Variants in TFCP2 observed in about 807,000 individuals in gnomAD.
TFCP2 encodes the protein transcription factor CP2.
Under a neutral mutation model 73.4 loss-of-function variants are expected in TFCP2, and 33 were observed. The ratio of observed to expected loss-of-function variants is 0.45; its 90% CI spans 0.34 to 0.60. The LOEUF (loss-of-function observed/expected upper bound fraction) is 0.60. Ranked by LOEUF, TFCP2 falls within the 20% of genes least tolerant of loss-of-function variation. The probability of loss-of-function intolerance (pLI) is 0.01; values close to 1 mark genes in which losing one functional copy is unlikely to be tolerated. For missense variants in TFCP2, 352 were observed against 604.0 expected (o/e 0.58, Z 4.37); for synonymous variants, 193 against 211.6 (o/e 0.91, Z 0.76).
chr12:51,163,638 A>C (rs1941694926), intron 1 of TFCP2, among the ~76,000 whole-genome samples: 1 of 151,648 alleles, frequency 6.6e-6, no homozygotes, highest in Non-Finnish European at 1.5e-5. Flanking sequence ...TATTAGAAAG[A>C]AGGCAGGGTA....
intron 4 of TFCP2, among the ~76,000 whole-genome samples, chr12:51,114,028 T>C (rs1940459737): frequency 6.6e-6 from 1 of 152,092 alleles, no homozygotes; most frequent in Admixed American, 6.6e-5. Flanking sequence ...TGGCACTGAA[T>C]TTGGCAATGA....
intron 1 of TFCP2, among the ~76,000 whole-genome samples, chr12:51,171,521 G>A (rs1452461240): frequency 6.6e-6 from 1 of 152,170 alleles, no homozygotes; most frequent in African/African-American, 2.4e-5. Flanking sequence ...GGGATTACAG[G>A]CCCGCGCCAC....
chr12:51,130,497 CTG>C (rs923371193), intron 1 of TFCP2, among the ~76,000 whole-genome samples: 11 of 151,668 alleles, frequency 7.3e-5, no homozygotes, highest in Admixed American at 3.9e-4. Context: ...CTGCATTGGA[CTG>C]TGTTTAGGGA....
intron 1 of TFCP2, 82 bp from the exon 2 acceptor site, chr12:51,118,854 CT>C (rs3839987): frequency 0.58 from 860,308 of 1,474,368 alleles, 260,287 homozygotes; most frequent in Non-Finnish European, 0.63. Context: ...AACTGCAATG[CT>C]TTGGAAAGCC....
Position 51,094,233 on chromosome 12 carries a change from A to G in TFCP2, c.*1008T>C, listed in dbSNP as rs563555209. 6.6e-6 allele frequency: 1 copy of G among 152,332 alleles called. No homozygotes were observed. The highest frequency in any genetic ancestry group is 2.4e-5 in the African/African-American group (1 of 41,580). 9.4% of individuals were successfully genotyped at this position (152,332 alleles called of 1,614,324 possible). A position where few individuals can be genotyped will look rare whatever the true frequency, so the allele number is the denominator to read the frequency against. On this transcript the variant is annotated 3_prime_UTR_variant, in exon 15 of 15. Coordinates refer to ENST00000257915, the MANE Select transcript of TFCP2 (RefSeq NM_005653.5). ...ACAGTAAATTTGGGGAGTTACAGAT[A>G]ATCCCCAGTTGTCACCACCTCAAAT...
At chr12:51,122,467 C>A (rs1230863697) in intron 1 of TFCP2, among the ~76,000 whole-genome samples, 1 of 151,942 alleles carries the variant, frequency 6.6e-6, no homozygotes, top group Non-Finnish European at 1.5e-5. Context: ...CCATGTTGGC[C>A]ATGCTGGTCT....
chr12:51,115,290 C>T (rs1291822913), intron 4 of TFCP2, among the ~76,000 whole-genome samples: 1 of 151,724 alleles, frequency 6.6e-6, no homozygotes, highest in Non-Finnish European at 1.5e-5. Context: ...CAGCTAATTT[C>T]TTTGTATTTT....
chr12:51,151,727 C>T (rs113262914), intron 1 of TFCP2, among the ~76,000 whole-genome samples: 1 of 152,152 alleles, frequency 6.6e-6, no homozygotes, highest in African/African-American at 2.4e-5. Context: ...TGAGCCACCA[C>T]GCCCGGCCAA....
chr12:51,172,343 G>C lies in TFCP2; in HGVS notation c.80C>G (p.Ser27Cys). 1 of 1,614,066 alleles carries C rather than the reference G, an allele frequency of 6.2e-7. No individual in the cohort carries two copies. The highest frequency in any genetic ancestry group is 8.5e-7 in the Non-Finnish European group (1 of 1,180,022). ...GLVQDFDASL[S>C]GIGQELGAGA... ...AGCACCCAGTTCCTGGCCGATCCCG[G>C]ACAGGCTAGCATCAAAGTCCTGCAC... Residue 27 changes from serine (S) to cysteine (C), a missense_variant, in exon 1 of 15, where the codon TCC (serine) becomes TGC (cysteine). This residue lies in a region of TFCP2 where 76 missense variants were observed against 163.2 expected (regional missense o/e 0.47). Coordinates refer to ENST00000257915, the MANE Select transcript of TFCP2 (RefSeq NM_005653.5).
At chr12:51,149,308 A>G (rs1461914639) in intron 1 of TFCP2, among the ~76,000 whole-genome samples, 1 of 152,090 alleles carries the variant, frequency 6.6e-6, no homozygotes, top group Non-Finnish European at 1.5e-5. Flanking sequence ...AAGACTATAC[A>G]TTGGGTACAC....
At chr12:51,128,140 A>G (rs1940853613) in intron 1 of TFCP2, among the ~76,000 whole-genome samples, 1 of 152,036 alleles carries the variant, frequency 6.6e-6, no homozygotes, top group South Asian at 2.1e-4. Flanking sequence ...GCTGGTCTCG[A>G]ACTCCTGACC....
chr12:51,142,722 C>T (rs938130806), intron 1 of TFCP2, among the ~76,000 whole-genome samples: 4 of 152,150 alleles, frequency 2.6e-5, no homozygotes, highest in Non-Finnish European at 5.9e-5. Flanking sequence ...TTCCCACATC[C>T]GCCTTCAACT....
intron 1 of TFCP2, among the ~76,000 whole-genome samples, chr12:51,146,794 T>C (rs972361350): frequency 3.3e-5 from 5 of 152,252 alleles, no homozygotes; most frequent in Non-Finnish European, 7.3e-5. Flanking sequence ...CAAGTGCTTT[T>C]AGCATATTTA....
At position 51,128,498 on chromosome 12, in the gene TFCP2, A is replaced by AC. The variant is rs367682381; in HGVS notation, c.123-9727_123-9726insG. On this transcript the variant is annotated intron_variant, in intron 1 of 14. Transcript: ENST00000257915. ...AATAATAAAAAAAAAAAAAACAAAA[A>AC]AAACAAACTAGTATTGGGAACATCT... Among the ~76,000 whole-genome samples the AC allele has an allele frequency of 2.7e-3, 403 of 149,084 alleles. 1 individual carries two copies. The highest frequency in any genetic ancestry group is 7.5e-3 in the African/African-American group (307 of 41,134).
chr12:51,156,682 T>G (rs1941544300), intron 1 of TFCP2, among the ~76,000 whole-genome samples: 1 of 152,232 alleles, frequency 6.6e-6, no homozygotes, highest in African/African-American at 2.4e-5. Context: ...AGTCATCAGG[T>G]CCAGAGATTT....
chr12:51,107,074 A>C, intron 7 of TFCP2, 162 bp downstream of exon 7: 1 of 667,728 alleles, frequency 1.5e-6, no homozygotes, highest in Non-Finnish European at 2.6e-6. Flanking sequence ...GTTCGTGCCA[A>C]ATTCTAAAGC....
chr12:51,114,508 G>C (rs553722112), intron 4 of TFCP2, among the ~76,000 whole-genome samples: 1 of 152,008 alleles, frequency 6.6e-6, no homozygotes, highest in Non-Finnish European at 1.5e-5. Context: ...AGGAGGCTGA[G>C]GCAGGAAAAT....
At position 51,109,247 on chromosome 12, in the gene TFCP2, A is replaced by G; in HGVS notation, c.591T>C (p.Thr197=). The G allele has an allele frequency of 6.2e-7, 1 of 1,614,178 alleles. No individual in the cohort carries two copies. Among genetic ancestry groups the G allele is most frequent in the Non-Finnish European group, 8.5e-7 (1 of 1,180,040 alleles). The change falls in exon 6 of 15, where the codon ACT becomes ACC. Residue 197 remains threonine, a synonymous_variant. Coordinates refer to ENST00000257915, the MANE Select transcript of TFCP2 (RefSeq NM_005653.5). ...CCTTTTCTCCACCATGTTTCCTCAT[A>G]GTGAACTCTGTGCTAATACAGTGCA... The part of the protein sequence containing the change: ...IQVHCISTEF[T]MRKHGGEKGV...
chr12:51,109,048 G>T, intron 6 of TFCP2, 73 bp downstream of exon 6: 1 of 1,517,660 alleles, frequency 6.6e-7, no homozygotes, highest in South Asian at 1.2e-5. Flanking sequence ...TTGATTTTCT[G>T]ACTTGGTAAC....
Sources: allele counts gnomAD v4.1 joint callset (sites outside exome capture counted in the v4.1 genomes callset), GRCh38; gene constraint gnomAD v4.1.1; regional missense constraint gnomAD v4.1.1; transcripts MANE v1.5; gene names NCBI Gene and HGNC (gene_info 2026-07-23, HGNC 2026-07-21).